Variants in PCCA observed in about 807,000 individuals in gnomAD.
PCCA encodes the protein propionyl-CoA carboxylase subunit alpha.
Under a neutral mutation model 101.3 loss-of-function variants are expected in PCCA, and 74 were observed. The observed-to-expected ratio is 0.73, with a 90% CI of 0.61 to 0.89. The LOEUF (loss-of-function observed/expected upper bound fraction) is 0.89. Among genes scored for constraint, PCCA ranks in the 40% least tolerant of loss-of-function variants. The pLI is 0.00. For synonymous variants in PCCA, 294 were observed against 313.6 expected (o/e 0.94, Z 0.66); for missense variants, 891 against 907.0 (o/e 0.98, Z 0.23).
intron 19 of PCCA, among the ~76,000 whole-genome samples, chr13:100,406,281 A>G (rs1479127507): frequency 6.6e-6 from 1 of 152,200 alleles, no homozygotes; most frequent in African/African-American, 2.4e-5. Context: ...GCAAACAACT[A>G]TTTTGTCATA....
chr13:100,397,451 C>G (rs2077102897), intron 19 of PCCA, among the ~76,000 whole-genome samples: 1 of 152,054 alleles, frequency 6.6e-6, no homozygotes. Context: ...TTGCTTTAGA[C>G]TCATTTCTCT....
chr13:100,385,361 AT>A (rs1373576345), intron 19 of PCCA, among the ~76,000 whole-genome samples: 1 of 152,200 alleles, frequency 6.6e-6, no homozygotes, highest in Admixed American at 6.5e-5. Context: ...CAGAGAGAAA[AT>A]TTGCAGTTCA....
intron 18 of PCCA, among the ~76,000 whole-genome samples, chr13:100,367,680 C>T (rs866411101): frequency 6.8e-6 from 1 of 148,142 alleles, no homozygotes; most frequent in East Asian, 2.0e-4. Context: ...TTATATCGGC[C>T]AGGCGCGGTG....
intron 8 of PCCA, among the ~76,000 whole-genome samples, chr13:100,250,466 A>G (rs2061683935): frequency 6.6e-6 from 1 of 152,026 alleles, no homozygotes; most frequent in African/African-American, 2.4e-5. Context: ...AGTCATTTTA[A>G]TATCTAAAAA....
At chr13:100,445,920 G>GAT (rs905352187) in intron 20 of PCCA, among the ~76,000 whole-genome samples, 16 of 152,094 alleles carry the variant, frequency 1.1e-4, no homozygotes, top group Non-Finnish European at 2.2e-4. Flanking sequence ...CTTTCCTTTG[G>GAT]ATATATATGC....
intron 6 of PCCA, among the ~76,000 whole-genome samples, chr13:100,166,080 A>C (rs1034490190): frequency 6.6e-6 from 1 of 152,176 alleles, no homozygotes; most frequent in East Asian, 1.9e-4. Flanking sequence ...TGTATCCTTC[A>C]ACTCCAAAGA....
rs764611115 is a variant in PCCA, at chr13:100,330,580, A to G, written c.1449A>G (p.Ala483=). The G allele has an allele frequency of 1.2e-6, 2 of 1,606,426 alleles. No homozygotes were observed. The highest frequency in any genetic ancestry group is 1.7e-5 in the Admixed American group (1 of 59,980). Residue 483 remains alanine (A), a synonymous_variant, in exon 17 of 24, where the codon GCA becomes GCG. Transcript: ENST00000376285. ...TTTTAGGTGTTACACATAATATTGCATTACTTCGAGAGGTGATAATCAACT... is the reference window on the plus strand; with the variant it reads ...TTTTAGGTGTTACACATAATATTGCGTTACTTCGAGAGGTGATAATCAACT... ...YVIRGVTHNI[A]LLREVIINSR... is the part of the protein sequence containing the mutation.
At chr13:100,511,019 A>G (rs1030420282) in intron 21 of PCCA, among the ~76,000 whole-genome samples, 12 of 152,192 alleles carry the variant, frequency 7.9e-5, no homozygotes, top group African/African-American at 2.7e-4. Context: ...TGTAGCTCAG[A>G]TATCAGGCGA....
At chr13:100,500,116 C>T (rs2085565046) in intron 21 of PCCA, among the ~76,000 whole-genome samples, 1 of 152,148 alleles carries the variant, frequency 6.6e-6, no homozygotes, top group African/African-American at 2.4e-5. Context: ...ACAATTGTGG[C>T]TCAGTCCATT....
intron 12 of PCCA, among the ~76,000 whole-genome samples, chr13:100,289,465 A>G (rs1474855388): frequency 1.3e-5 from 2 of 152,144 alleles, no homozygotes; most frequent in Non-Finnish European, 2.9e-5. Context: ...AAATTTTCTA[A>G]GAACCTAATC....
chr13:100,132,876 C>T (rs911595896), intron 4 of PCCA, among the ~76,000 whole-genome samples: 1 of 152,026 alleles, frequency 6.6e-6, no homozygotes, highest in Non-Finnish European at 1.5e-5. Flanking sequence ...CGGGTTCAAG[C>T]GATTCTCCTG....
chr13:100,186,472 G>T (rs1247606388), intron 6 of PCCA, among the ~76,000 whole-genome samples: 2 of 152,104 alleles, frequency 1.3e-5, no homozygotes, highest in Non-Finnish European at 2.9e-5. Flanking sequence ...GCCGGGCGTG[G>T]TGGCTCATGC....
chr13:100,231,103 C>A (rs1340018257), intron 7 of PCCA, among the ~76,000 whole-genome samples: 2 of 152,150 alleles, frequency 1.3e-5, no homozygotes, highest in Non-Finnish European at 2.9e-5. Flanking sequence ...ATTAGAGATC[C>A]CCTGTTGTCA....
intron 7 of PCCA, among the ~76,000 whole-genome samples, chr13:100,220,426 ATT>A (rs34275910): frequency 1.1e-4 from 15 of 132,478 alleles, no homozygotes; most frequent in Non-Finnish European, 8.0e-5. Flanking sequence ...TGCCTGACTA[ATT>A]TTTTTTTTTT....
chr13:100,111,531 C>T (rs960033167), intron 2 of PCCA, among the ~76,000 whole-genome samples: 4 of 152,060 alleles, frequency 2.6e-5, no homozygotes, highest in Non-Finnish European at 5.9e-5. Flanking sequence ...ATGTAGATAC[C>T]CCCATTGTGA....
At chr13:100,177,547 C>CT (rs1480287885) in intron 6 of PCCA, among the ~76,000 whole-genome samples, 1 of 152,016 alleles carries the variant, frequency 6.6e-6, no homozygotes, top group Non-Finnish European at 1.5e-5. Flanking sequence ...TAAACGTGAG[C>CT]TTTAAGTTTT....
intron 21 of PCCA, among the ~76,000 whole-genome samples, chr13:100,455,048 T>C (rs1372023401): frequency 6.6e-6 from 1 of 152,134 alleles, no homozygotes; most frequent in Non-Finnish European, 1.5e-5. Context: ...TGGTGACTCA[T>C]GCCTATAAAG....
At chr13:100,268,186 C>G (rs923830860) in intron 10 of PCCA, among the ~76,000 whole-genome samples, 5 of 152,146 alleles carry the variant, frequency 3.3e-5, no homozygotes, top group African/African-American at 9.7e-5. Flanking sequence ...AACTCCAGAC[C>G]TTTAGCAGTT....
intron 4 of PCCA, among the ~76,000 whole-genome samples, chr13:100,122,799 A>C (rs534218043): frequency 1.6e-4 from 25 of 152,286 alleles, no homozygotes; most frequent in African/African-American, 5.3e-4. Flanking sequence ...GAGGCTGATA[A>C]GTCAAGATTG....
Sources: gnomAD v4.1 joint callset for allele counts (sites outside exome capture counted in the v4.1 genomes callset) on GRCh38, gnomAD v4.1.1 for gene constraint, MANE v1.5 for transcripts, NCBI Gene and HGNC (gene_info 2026-07-23, HGNC 2026-07-21) for gene names.